SH3RF2: variants seen among roughly 807,000 people sequenced by gnomAD.
SH3RF2 encodes the protein SH3 domain containing ring finger 2.
SH3RF2 carries 43 observed loss-of-function variants against 59.0 expected under a neutral mutation model. The observed-to-expected ratio is 0.73, with a 90% CI of 0.57 to 0.94. SH3RF2 has a LOEUF of 0.94. SH3RF2 is among the 40% of genes least tolerant of loss of function. The pLI is 0.00. For synonymous variants in SH3RF2, 391 were observed against 391.5 expected (o/e 1.00, Z 0.01); for missense variants, 930 against 940.1 (o/e 0.99, Z 0.14).
At chr5:145,998,617 C>G (rs546487609) in intron 2 of SH3RF2, among the ~76,000 whole-genome samples, 4 of 152,218 alleles carry the variant, frequency 2.6e-5, no homozygotes, top group African/African-American at 7.2e-5. Context: ...TTTCCCAGTG[C>G]ATATAAAAGT....
At chr5:145,960,389 C>G (rs2149953368) in intron 2 of SH3RF2, among the ~76,000 whole-genome samples, 1 of 152,296 alleles carries the variant, frequency 6.6e-6, no homozygotes, top group African/African-American at 2.4e-5. Context: ...TCCACCAGCC[C>G]AGAAAAGAAG....
chr5:145,964,272 TTTCCTTCCTTCC>T (rs35100856), intron 2 of SH3RF2, among the ~76,000 whole-genome samples: 15 of 123,016 alleles, frequency 1.2e-4, no homozygotes, highest in Admixed American at 3.8e-4. Flanking sequence ...TTTCCCTTCT[TTTCCTTCCTTCC>T]TTCCTTCCTT....
chr5:145,983,247 C>CTTTT (rs35986916), intron 2 of SH3RF2, among the ~76,000 whole-genome samples: 2 of 133,958 alleles, frequency 1.5e-5, no homozygotes, highest in African/African-American at 2.8e-5. Context: ...AAACCAGAGC[C>CTTTT]TTTTTTTTTT....
intron 2 of SH3RF2, among the ~76,000 whole-genome samples, chr5:145,999,817 T>A (rs1187003747): frequency 1.3e-5 from 2 of 151,874 alleles, no homozygotes; most frequent in Admixed American, 6.6e-5. Flanking sequence ...AAGTTTAAAA[T>A]ATTTAAAGTT....
intron 2 of SH3RF2, among the ~76,000 whole-genome samples, chr5:145,999,169 A>T (rs1580836710): frequency 6.6e-6 from 1 of 152,208 alleles, no homozygotes; most frequent in Middle Eastern, 3.4e-3. Context: ...TAAACCTCAG[A>T]CTATCTCTGC....
At chr5:146,013,717 A>C in intron 4 of SH3RF2, 30 bp from the exon 5 acceptor site, 1 of 1,610,680 alleles carries the variant, frequency 6.2e-7, no homozygotes, top group Non-Finnish European at 8.5e-7. Context: ...CAGGAAGACA[A>C]ACTTCTCATT....
intron 2 of SH3RF2, among the ~76,000 whole-genome samples, chr5:145,968,963 T>C (rs1758963719): frequency 6.6e-6 from 1 of 152,236 alleles, no homozygotes; most frequent in South Asian, 2.1e-4. Context: ...ATAGAGAACA[T>C]ATAATTCTTT....
At chr5:145,968,675 A>G (rs923750838) in intron 2 of SH3RF2, among the ~76,000 whole-genome samples, 2 of 152,262 alleles carry the variant, frequency 1.3e-5, no homozygotes, top group East Asian at 3.8e-4. Flanking sequence ...ACATGTAATC[A>G]ATACAAAAAC....
At chr5:146,067,334 T>C (rs994442354), downstream of SH3RF2, among the ~76,000 whole-genome samples, 4 of 152,092 alleles carry the variant, frequency 2.6e-5, no homozygotes, top group African/African-American at 9.7e-5. Context: ...TAAATGAACA[T>C]TCATTCTTCA....
At position 146,014,075 on chromosome 5, in the gene SH3RF2, G is replaced by T; in HGVS notation, c.1059+14G>T. 1 of 1,609,754 alleles carries T rather than the reference G, an allele frequency of 6.2e-7. No homozygotes were observed. Among genetic ancestry groups the T allele is most frequent in the Admixed American group, 1.7e-5 (1 of 58,388 alleles). ...TGTGTGGGACAGGTAGGGAAGAAAC[G>T]CCTGGGATGAGGGCACTTTGGAGTT... On this transcript the variant is annotated intron_variant, in intron 5 of 9. Coordinates refer to ENST00000359120, the MANE Select transcript of SH3RF2 (RefSeq NM_152550.4).
At chr5:146,017,233 G>A (rs1412450035) in intron 5 of SH3RF2, among the ~76,000 whole-genome samples, 2 of 152,148 alleles carry the variant, frequency 1.3e-5, no homozygotes, top group East Asian at 1.9e-4. Context: ...GAGTAAGTTC[G>A]GTGGAAAACT....
At chr5:146,060,320 CAA>C in intron 9 of SH3RF2, 96 bp downstream of exon 9, 1 of 1,200,796 alleles carries the variant, frequency 8.3e-7, no homozygotes, top group Non-Finnish European at 1.2e-6. Flanking sequence ...AACAAGGAAC[CAA>C]AATTGCAGCC....
At chr5:146,038,639 T>C (rs1304285438) in intron 5 of SH3RF2, among the ~76,000 whole-genome samples, 4 of 152,220 alleles carry the variant, frequency 2.6e-5, no homozygotes, top group East Asian at 1.9e-4. Flanking sequence ...AGAAAATTTA[T>C]AAAACATCAT....
intron 1 of SH3RF2, 109 bp from the exon 2 acceptor site, chr5:145,937,714 G>T (rs1324821782): frequency 1.7e-6 from 1 of 572,048 alleles, no homozygotes; most frequent in African/African-American, 1.9e-5. Context: ...CTTGGGTGCC[G>T]GAACAAAGTA....
intron 4 of SH3RF2, among the ~76,000 whole-genome samples, chr5:146,010,511 C>T (rs539516883): frequency 6.6e-6 from 1 of 152,276 alleles, no homozygotes; most frequent in East Asian, 1.9e-4. Flanking sequence ...TAAAAGTGTT[C>T]CTATTTCTCC....
At chr5:145,980,485 T>G (rs1759467590) in intron 2 of SH3RF2, among the ~76,000 whole-genome samples, 1 of 152,212 alleles carries the variant, frequency 6.6e-6, no homozygotes, top group Non-Finnish European at 1.5e-5. Context: ...TTGCTATCAT[T>G]TATTTAATCC....
In SH3RF2 at chr5:146,046,321, C is replaced by A. The variant is rs551799943; in HGVS notation, c.1060-1451C>A. On this transcript the variant is annotated intron_variant, in intron 5 of 9. Coordinates refer to ENST00000359120, the MANE Select transcript of SH3RF2 (RefSeq NM_152550.4). ...TAAATTGCCATGGGCCTTGAGCAAA[C>A]ATACATGTTTGCTCAAAACAAAGGG... 2.8e-3 allele frequency among the ~76,000 whole-genome samples: 422 copies of A among 152,248 alleles called. 1 individual carries two copies. The highest frequency in any genetic ancestry group is 9.8e-3 in the African/African-American group (409 of 41,554).
At position 146,010,449 on chromosome 5, in the gene SH3RF2, G is replaced by A. The variant is rs1442721257; in HGVS notation, c.745-3298G>A. On this transcript the variant is annotated intron_variant, in intron 4 of 9. Coordinates refer to ENST00000359120, the MANE Select transcript of SH3RF2 (RefSeq NM_152550.4). ...TCTAGTTCTAGATCCTTGAGGAATC[G>A]CCACACCGTCTTCCACAATGATTGA... Among the ~76,000 whole-genome samples the A allele has an allele frequency of 1.1e-4, 17 of 152,262 alleles. 3 individuals carry two copies. Among genetic ancestry groups the A allele is most frequent in the African/African-American group, 3.6e-4 (15 of 41,546 alleles).
chr5:145,945,524 G>T (rs1368131738), intron 2 of SH3RF2, among the ~76,000 whole-genome samples: 1 of 152,092 alleles, frequency 6.6e-6, no homozygotes, highest in Non-Finnish European at 1.5e-5. Context: ...TTGATAAAAA[G>T]AAACTTCCTA....
Sources: allele counts gnomAD v4.1 joint callset (sites outside exome capture counted in the v4.1 genomes callset), GRCh38; gene constraint gnomAD v4.1.1; transcripts MANE v1.5; gene names NCBI Gene and HGNC (gene_info 2026-07-23, HGNC 2026-07-21).